Variants in CWC15 observed in about 807,000 individuals in gnomAD.
The protein encoded by CWC15 is spliceosome-associated protein CWC15 homolog.
Under a neutral mutation model 28.4 loss-of-function variants are expected in CWC15, and 12 were observed. The observed-to-expected ratio is 0.42, with a 90% confidence interval of 0.27 to 0.69. CWC15 has a LOEUF of 0.69. CWC15 is among the 30% of genes least tolerant of loss of function. The pLI is 0.23. For missense variants in CWC15, 192 were observed against 271.5 expected, an observed-to-expected ratio of 0.71 and a Z score of 2.06; for synonymous variants, 92 against 88.4, an observed-to-expected ratio of 1.04 and a Z score of -0.23.
chr11:94,969,852 T>C (rs1344274277), intron 5 of CWC15, 137 bp downstream of exon 5: 11 of 452,324 alleles, frequency 2.4e-5, no homozygotes, highest in Non-Finnish European at 4.2e-5. Context: ...TAATCATTTA[T>C]AGATCTACAA....
In CWC15 at chr11:94,971,451, G is replaced by A; in HGVS notation, c.168C>T (p.Asn56=). ...TTQDAPEEVR[N]RDFRRELEER... is the part of the protein sequence containing the mutation. The stretch of plus-strand genomic sequence containing the variant: ...CTTCCAACTCTCTCCTGAAGTCACG[G>A]TTACGAACCTCTTCAGGGGCATCCT... The change falls in exon 3 of 7, where the codon AAC becomes AAT. Residue 56 remains asparagine, a synonymous_variant. Transcript: ENST00000279839. 6.2e-7 allele frequency: 1 copy of A among 1,612,170 alleles called. No individual in the cohort carries two copies. The highest frequency in any genetic ancestry group is 1.3e-5 in the African/African-American group (1 of 74,972).
At chr11:94,964,337 G>T (rs1857610877) in intron 6 of CWC15, among the ~76,000 whole-genome samples, 1 of 152,064 alleles carries the variant, frequency 6.6e-6, no homozygotes, top group Non-Finnish European at 1.5e-5. Context: ...AACAAATGTG[G>T]GAAAGTGCAC....
chr11:94,973,046 T>TG (rs1565415181), intron 1 of CWC15, among the ~76,000 whole-genome samples: 1,086 of 80,506 alleles, frequency 0.013, 7 homozygotes, highest in African/African-American at 0.043. Flanking sequence ...GGAGGATTTT[T>TG]TGGGGGGGGG....
chr11:94,970,131 G>C, intron 4 of CWC15, 35 bp from the exon 5 acceptor site: 1 of 1,105,622 alleles, frequency 9.0e-7, no homozygotes, highest in South Asian at 1.4e-5. Context: ...AGATTGGAGG[G>C]AAAATACACA....
chr11:94,971,387 G>A lies in CWC15; in HGVS notation c.232C>T (p.Arg78Cys), dbSNP rs1555096194. 1.2e-6 allele frequency: 2 copies of A among 1,610,606 alleles called. No individual in the cohort carries two copies. The highest frequency in any genetic ancestry group is 1.7e-5 in the Admixed American group (1 of 59,706). The part of the protein sequence containing the change: ...RAAAREKNRD[R>C]PTREHTTSSS... The stretch of plus-strand genomic sequence containing the variant: ...ATAGTGTTGGTACCTCGGGTTGGAC[G>A]ATCCCTATTTTTCTCTCTTGCAGCA... The change falls in exon 3 of 7, where the codon CGT becomes TGT. Residue 78 changes from arginine to cysteine, a missense_variant. Around this residue, in one of 2 missense-constraint regions of CWC15, gnomAD observed 188 missense variants for 250.3 expected, o/e 0.75. Transcript: ENST00000279839.
chr11:94,966,190 A>G (rs1857637079), intron 6 of CWC15, 105 bp downstream of exon 6: 4 of 669,978 alleles, frequency 6.0e-6, no homozygotes, highest in Non-Finnish European at 9.7e-6. Context: ...TATCCAACTT[A>G]TAATCTGCAT....
At position 94,966,328 on chromosome 11, in the gene CWC15, G is replaced by T; in HGVS notation, c.527C>A (p.Ser176Tyr). The change falls in exon 6 of 7, where the codon TCC (serine) becomes TAC (tyrosine). Residue 176 changes from serine (S) to tyrosine (Y), a missense_variant. Around this residue, in one of 2 missense-constraint regions of CWC15, gnomAD observed 188 missense variants for 250.3 expected, o/e 0.75. Transcript: ENST00000279839. ...AACTTTGAAGTTGGCCTGAGGCTGG[G>T]ATGGGCCAGTGAGATTAAGGAGAGG... ...GNPLLNLTGP[S>Y]QPQANFKVKR... 3.2e-6 allele frequency: 5 copies of T among 1,558,380 alleles called. No homozygotes were observed. Among genetic ancestry groups the T allele is most frequent in the Non-Finnish European group, 4.3e-6 (5 of 1,149,766 alleles).
intron 5 of CWC15, among the ~76,000 whole-genome samples, chr11:94,969,362 T>C (rs782404228): frequency 2.0e-4 from 31 of 152,194 alleles, no homozygotes; most frequent in Non-Finnish European, 4.1e-4. Context: ...AATCTCCTGC[T>C]GAAATCAACC....
rs1555096466 is a variant in CWC15 at position 94,973,050 on chromosome 11, G to GGT, written c.-9+447_-9+448insAC. 5.2e-4 allele frequency among the ~76,000 whole-genome samples: 79 copies of GGT among 151,506 alleles called. 1 individual carries two copies. Among genetic ancestry groups the GGT allele is most frequent in the Non-Finnish European group, 8.8e-5 (6 of 67,822 alleles). On this transcript the variant is annotated intron_variant, in intron 1 of 6. Coordinates refer to ENST00000279839, the MANE Select transcript of CWC15 (RefSeq NM_016403.4). ...TGGGCGAATTGGGAGGATTTTTTGG[G>GGT]GGGGGGGCGATGCTAATTCTCTCAA...
Position 94,966,292 on chromosome 11 carries a change from T to C in CWC15, c.560+3A>G, listed in dbSNP as rs1555095263. ...ACTCCATTACTCCGTTACTGTATAG[T>C]ACCTTCTTTTAACTTTGAAGTTGGC... On this transcript the variant is annotated splice_donor_region_variant and intron_variant, in intron 6 of 6. Coordinates refer to ENST00000279839, the MANE Select transcript of CWC15 (RefSeq NM_016403.4). 6.8e-7 allele frequency: 1 copy of C among 1,464,390 alleles called. No homozygotes were observed. Among genetic ancestry groups the C allele is most frequent in the Admixed American group, 2.0e-5 (1 of 50,846 alleles). The allele number at this position is 1,464,390 out of a possible 1,614,324, so 90.7% of individuals were successfully genotyped here. A position where few individuals can be genotyped will look rare whatever the true frequency, so the allele number is the denominator to read the frequency against.
chr11:94,971,523 TAAAC>T (rs1565414737), intron 2 of CWC15, 36 bp from the exon 3 acceptor site: 1 of 985,132 alleles, frequency 1.0e-6, no homozygotes, highest in Non-Finnish European at 1.5e-6. Flanking sequence ...AAATGTTACT[TAAAC>T]ACACACACAC....
At chr11:94,966,623 T>C (rs1323457629) in intron 5 of CWC15, among the ~76,000 whole-genome samples, 1 of 151,742 alleles carries the variant, frequency 6.6e-6, no homozygotes, top group Non-Finnish European at 1.5e-5. Context: ...AGCATTTTTA[T>C]TATAAATATT....
intron 2 of CWC15, 142 bp from the exon 3 acceptor site, chr11:94,971,629 T>A (rs1365896862): frequency 1.7e-6 from 1 of 594,268 alleles, no homozygotes; most frequent in Non-Finnish European, 2.9e-6. Context: ...GATCATAATT[T>A]AATCTGAAGG....
chr11:94,966,485 C>CT, intron 5 of CWC15, 72 bp from the exon 6 acceptor site: 6 of 805,418 alleles, frequency 7.4e-6, no homozygotes, highest in Admixed American at 7.2e-5. Context: ...TATTAGCTCA[C>CT]TGAAAAAAAA....
chr11:94,973,052 G>GC (rs1198490510), intron 1 of CWC15, among the ~76,000 whole-genome samples: 1 of 151,522 alleles, frequency 6.6e-6, no homozygotes, highest in Admixed American at 6.6e-5. Context: ...TTTTTTGGGG[G>GC]GGGGGCGATG....
At position 94,966,363 on chromosome 11, in the gene CWC15, C is replaced by A. The variant is rs1555095293; in HGVS notation, c.492G>T (p.Leu164=). 6.4e-7 allele frequency: 1 copy of A among 1,558,690 alleles called. No homozygotes were observed. Among genetic ancestry groups the A allele is most frequent in the Non-Finnish European group, 8.7e-7 (1 of 1,150,044 alleles). ...EEERIRMENI[L]SGNPLLNLTG... is the part of the protein sequence containing the mutation. Reference sequence around the variant, plus strand: ...TGAGATTAAGGAGAGGGTTTCCGCTCAGAATGTTTTCCATACGAATCCTCT... The same window carrying A: ...TGAGATTAAGGAGAGGGTTTCCGCTAAGAATGTTTTCCATACGAATCCTCT... The change falls in exon 6 of 7, where the codon CTG becomes CTT. Residue 164 remains leucine, a synonymous_variant. Transcript: ENST00000279839.
chr11:94,968,189 TTTATG>T (rs1316427831), intron 5 of CWC15, among the ~76,000 whole-genome samples: 3 of 152,332 alleles, frequency 2.0e-5, no homozygotes, highest in Non-Finnish European at 2.9e-5. Context: ...TGTGGGTGTT[TTTATG>T]TTATAACAGT....
At chr11:94,965,536 G>GA (rs1857627465) in intron 6 of CWC15, among the ~76,000 whole-genome samples, 1 of 152,120 alleles carries the variant, frequency 6.6e-6, no homozygotes, top group African/African-American at 2.4e-5. Flanking sequence ...GCTGGCATTT[G>GA]AAAATTTGGA....
chr11:94,965,372 C>A (rs1857624707), intron 6 of CWC15, among the ~76,000 whole-genome samples: 2 of 152,210 alleles, frequency 1.3e-5, no homozygotes, highest in Admixed American at 1.3e-4. Context: ...TTATATATCA[C>A]CATCTGAAGG....
Sources: gnomAD v4.1 joint callset for allele counts (sites outside exome capture counted in the v4.1 genomes callset) on GRCh38, gnomAD v4.1.1 for gene constraint, gnomAD v4.1.1 regional missense constraint, MANE v1.5 for transcripts, NCBI Gene and HGNC (gene_info 2026-07-23, HGNC 2026-07-21) for gene names.